PPM1E: variants seen among roughly 807,000 people sequenced by gnomAD.
The protein encoded by PPM1E is protein phosphatase 1E.
A neutral mutation model predicts 65.9 loss-of-function variants in PPM1E; 20 were observed. The ratio of observed to expected loss-of-function variants is 0.30; its 90% CI spans 0.21 to 0.44. PPM1E has a LOEUF of 0.44. Ranked by LOEUF, PPM1E falls within the 20% of genes least tolerant of loss-of-function variation. The probability of loss-of-function intolerance (pLI) is 1.00; values close to 1 mark genes in which losing one functional copy is unlikely to be tolerated. For synonymous variants in PPM1E, 352 were observed against 374.9 expected (o/e 0.94, Z 0.70); for missense variants, 713 against 953.1 (o/e 0.75, Z 3.32).
At chr17:58,847,338 C>G (rs1198944286) in intron 1 of PPM1E, among the ~76,000 whole-genome samples, 1 of 152,144 alleles carries the variant, frequency 6.6e-6, no homozygotes, top group Non-Finnish European at 1.5e-5. Context: ...GTCATGAAGT[C>G]CTTGCCCATG....
intron 1 of PPM1E, among the ~76,000 whole-genome samples, chr17:58,900,527 A>T (rs970119572): frequency 6.6e-6 from 1 of 152,212 alleles, no homozygotes; most frequent in East Asian, 1.9e-4. Context: ...GCTATTGTAC[A>T]CTTAATAGAC....
intron 1 of PPM1E, among the ~76,000 whole-genome samples, chr17:58,790,303 A>G (rs1368929827): frequency 2.6e-5 from 4 of 151,994 alleles, no homozygotes; most frequent in South Asian, 4.2e-4. Context: ...GCCTCAAGCA[A>G]TCCACCCACT....
chr17:58,902,046 C>A (rs892226576), intron 1 of PPM1E, among the ~76,000 whole-genome samples: 4 of 151,770 alleles, frequency 2.6e-5, no homozygotes, highest in African/African-American at 2.4e-5. Context: ...GCTAAAACTT[C>A]CTGTTCTGGA....
intron 1 of PPM1E, among the ~76,000 whole-genome samples, chr17:58,829,082 GC>G (rs1368333028): frequency 2.7e-5 from 4 of 150,734 alleles, no homozygotes; most frequent in Admixed American, 2.0e-4. Flanking sequence ...CACTCTAGTT[GC>G]CCCGGCTGGA....
intron 6 of PPM1E, among the ~76,000 whole-genome samples, chr17:58,976,420 G>A (rs1380625507): frequency 1.3e-5 from 2 of 152,120 alleles, no homozygotes; most frequent in African/African-American, 4.8e-5. Context: ...AAGAATTTGA[G>A]AAAGAATTGG....
chr17:58,804,353 T>G (rs529493501), intron 1 of PPM1E, among the ~76,000 whole-genome samples: 1 of 152,232 alleles, frequency 6.6e-6, no homozygotes, highest in Non-Finnish European at 1.5e-5. Flanking sequence ...TTGAACCTTG[T>G]TTTTATTATA....
At chr17:58,791,988 C>T (rs2050161485) in intron 1 of PPM1E, among the ~76,000 whole-genome samples, 1 of 152,004 alleles carries the variant, frequency 6.6e-6, no homozygotes, top group South Asian at 2.1e-4. Flanking sequence ...CTTCCTTGCC[C>T]ATTTCTTCCC....
Position 58,972,240 on chromosome 17 carries a change from G to A in PPM1E, c.1081G>A (p.Val361Ile). 4 of 1,614,096 alleles carry A rather than the reference G, an allele frequency of 2.5e-6. No individual in the cohort carries two copies. The highest frequency in any genetic ancestry group is 3.4e-6 in the Non-Finnish European group (4 of 1,179,982). Residue 361 changes from valine to isoleucine, a missense_variant, in exon 5 of 7, where the codon GTT becomes ATT. Physicochemically the swap from Val to Ile is conservative, Grantham distance 29. Transcript: ENST00000308249. ...QVMLVRKGQA[V>I]ELMKPHKPDR... The stretch of plus-strand genomic sequence containing the variant: ...TATGCTTGTGAGAAAGGGCCAAGCT[G>A]TTGAACTAATGAAGCCACACAAACC...
chr17:58,947,514 G>A (rs1010283663), intron 1 of PPM1E, among the ~76,000 whole-genome samples: 2 of 150,970 alleles, frequency 1.3e-5, no homozygotes, highest in Admixed American at 1.3e-4. Context: ...TGGGATTACG[G>A]GTACGAGACA....
intron 1 of PPM1E, among the ~76,000 whole-genome samples, chr17:58,887,302 T>C (rs1470261929): frequency 1.3e-5 from 2 of 151,800 alleles, no homozygotes; most frequent in Non-Finnish European, 2.9e-5. Context: ...GTAGCTGAGA[T>C]TACAGGCATG....
Position 58,824,126 on chromosome 17 carries a change from G to C in PPM1E, c.464+67665G>C, listed in dbSNP as rs555661443. 3.5e-4 allele frequency among the ~76,000 whole-genome samples: 54 copies of C among 152,206 alleles called. 1 individual carries two copies. In the South Asian group the frequency reaches 1.0e-2, roughly 28 times the overall value. On this transcript the variant is annotated intron_variant, in intron 1 of 6. Transcript: ENST00000308249. ...GTTTTTAAAACATGAGTTAGAGAAA[G>C]GGTTGGAGAAAGGGTTTGAAAGGAG...
intron 1 of PPM1E, among the ~76,000 whole-genome samples, chr17:58,844,748 G>T (rs894736327): frequency 3.3e-5 from 5 of 152,122 alleles, no homozygotes; most frequent in African/African-American, 1.2e-4. Context: ...CATGGAAAAA[G>T]ATATCAGCAA....
chr17:58,937,879 CAAAA>C (rs1226139023), intron 1 of PPM1E, among the ~76,000 whole-genome samples: 1 of 82,976 alleles, frequency 1.2e-5, no homozygotes, highest in Admixed American at 1.4e-4. Context: ...GACTCCATCT[CAAAA>C]AAAAAAAAAA....
At chr17:58,765,683 G>GA (rs911500083) in intron 1 of PPM1E, among the ~76,000 whole-genome samples, 26 of 151,396 alleles carry the variant, frequency 1.7e-4, no homozygotes, top group African/African-American at 6.0e-4. Context: ...CGTAGTTTAA[G>GA]AAAAAAAAAG....
At chr17:58,784,148 G>A (rs2050075557) in intron 1 of PPM1E, among the ~76,000 whole-genome samples, 1 of 151,608 alleles carries the variant, frequency 6.6e-6, no homozygotes, top group African/African-American at 2.4e-5. Context: ...TTAGCCTCCC[G>A]AGTAGCTGGG....
intron 1 of PPM1E, among the ~76,000 whole-genome samples, chr17:58,770,034 C>A (rs1598559344): frequency 6.6e-6 from 1 of 151,084 alleles, no homozygotes; most frequent in South Asian, 2.1e-4. Context: ...CTAAAAAAAA[C>A]AACAACAACA....
At chr17:58,931,777 CAG>C (rs1351255747) in intron 1 of PPM1E, among the ~76,000 whole-genome samples, 2 of 152,094 alleles carry the variant, frequency 1.3e-5, no homozygotes, top group African/African-American at 4.8e-5. Context: ...AAAAAGGCAA[CAG>C]ATGTTTTTGA....
chr17:58,950,376 T>C (rs969365779), intron 1 of PPM1E, among the ~76,000 whole-genome samples: 1 of 152,138 alleles, frequency 6.6e-6, no homozygotes, highest in African/African-American at 2.4e-5. Context: ...AAAAAATTAT[T>C]TTTTGACTAT....
chr17:58,856,227 A>T (rs1001913926), intron 1 of PPM1E, among the ~76,000 whole-genome samples: 12 of 152,104 alleles, frequency 7.9e-5, no homozygotes, highest in African/African-American at 2.9e-4. Flanking sequence ...GTTTAGTAAT[A>T]TGTGTTCATT....
Sources: gnomAD v4.1 joint callset for allele counts (sites outside exome capture counted in the v4.1 genomes callset) on GRCh38, gnomAD v4.1.1 for gene constraint, MANE v1.5 for transcripts, NCBI Gene and HGNC (gene_info 2026-07-23, HGNC 2026-07-21) for gene names.